The following ANKRD11 variants were observed in gnomAD, a reference collection of about 807,000 sequenced individuals.
The protein encoded by ANKRD11 is ankyrin repeat domain-containing protein 11.
Under a neutral mutation model 195.7 loss-of-function variants are expected in ANKRD11, and 17 were observed. That is an observed-to-expected ratio of 0.09 (90% CI 0.06 to 0.13). The LOEUF is 0.13. Among genes scored for constraint, ANKRD11 ranks in the 10% least tolerant of loss-of-function variants. ANKRD11 has a pLI of 1.00. For synonymous variants in ANKRD11, 1,953 were observed against 1,528.1 expected, an observed-to-expected ratio of 1.28 and a Z score of -6.49; for missense variants, 3,735 against 3,566.1, an observed-to-expected ratio of 1.05 and a Z score of -1.21.
intron 2 of ANKRD11, among the ~76,000 whole-genome samples, chr16:89,349,323 A>G (rs2039096894): frequency 6.6e-6 from 1 of 151,248 alleles, no homozygotes; most frequent in Non-Finnish European, 1.5e-5. Context: ...TACTCAAAAT[A>G]CCAAAAATTA....
intron 11 of ANKRD11, 198 bp from the exon 12 acceptor site, chr16:89,271,107 A>C: frequency 1.1e-4 from 69 of 605,812 alleles, no homozygotes; most frequent in Middle Eastern, 3.6e-4. Flanking sequence ...CCTCCCTAAA[A>C]TGCGCGTGGA....
At chr16:89,380,173 C>T (rs1374454595) in intron 2 of ANKRD11, among the ~76,000 whole-genome samples, 5 of 152,110 alleles carry the variant, frequency 3.3e-5, no homozygotes, top group African/African-American at 4.8e-5. Context: ...AGAGCGATGG[C>T]GTGATCTCGG....
intron 2 of ANKRD11, 70 bp downstream of exon 2, chr16:89,418,214 T>A: frequency 2.2e-6 from 1 of 445,870 alleles, no homozygotes; most frequent in Non-Finnish European, 4.5e-6. Context: ...ACTCACGCAT[T>A]ATTTTGATAC....
At chr16:89,419,697 C>T (rs894019981) in intron 1 of ANKRD11, among the ~76,000 whole-genome samples, 4 of 152,178 alleles carry the variant, frequency 2.6e-5, no homozygotes, top group Non-Finnish European at 5.9e-5. Context: ...CAGGGTTCCC[C>T]GGCTCTGCAC....
Position 89,286,958 on chromosome 16 carries a change from G to T in ANKRD11, c.745-772C>A, listed in dbSNP as rs977847597. On this transcript the variant is annotated intron_variant, in intron 7 of 12. Transcript: ENST00000301030. ...TTGTCGCCCACAGAATCAGTTTCCA[G>T]TTCGTGTGTGACATGTTCTATTGTT... 12 of 1,289,628 alleles carry T rather than the reference G, an allele frequency of 9.3e-6. No individual in the cohort carries two copies. In the African/African-American group the frequency reaches 1.7e-4, roughly 18 times the overall value. 79.9% of individuals were successfully genotyped at this position (1,289,628 alleles called of 1,614,324 possible). A position where few individuals can be genotyped will look rare whatever the true frequency, so the allele number is the denominator to read the frequency against.
At chr16:89,410,029 C>T (rs1200845522) in intron 2 of ANKRD11, among the ~76,000 whole-genome samples, 4 of 152,146 alleles carry the variant, frequency 2.6e-5, no homozygotes, top group African/African-American at 4.8e-5. Flanking sequence ...TTAGTAGAGA[C>T]GGGTTTTCAC....
chr16:89,406,445 C>T (rs750095466), intron 2 of ANKRD11, among the ~76,000 whole-genome samples: 1 of 152,212 alleles, frequency 6.6e-6, no homozygotes, highest in Non-Finnish European at 1.5e-5. Flanking sequence ...GCAGCAGCTG[C>T]TGAGAAGGCC....
chr16:89,369,101 A>G (rs1324577081), intron 2 of ANKRD11, among the ~76,000 whole-genome samples: 1 of 152,026 alleles, frequency 6.6e-6, no homozygotes, highest in Admixed American at 6.6e-5. Context: ...CATCACTACC[A>G]AGCTCTGGCC....
chr16:89,327,317 A>G (rs1459459586), intron 2 of ANKRD11, among the ~76,000 whole-genome samples: 1 of 152,210 alleles, frequency 6.6e-6, no homozygotes, highest in African/African-American at 2.4e-5. Flanking sequence ...AACATCCTCA[A>G]CACGATAAAG....
intron 2 of ANKRD11, among the ~76,000 whole-genome samples, chr16:89,321,588 G>A (rs568693417): frequency 3.5e-4 from 53 of 152,208 alleles, no homozygotes; most frequent in Middle Eastern, 6.8e-3. Flanking sequence ...GGGTCCCCTC[G>A]GGCCTTCTGA....
At chr16:89,332,504 A>G (rs1408388991) in intron 2 of ANKRD11, among the ~76,000 whole-genome samples, 1 of 152,230 alleles carries the variant, frequency 6.6e-6, no homozygotes, top group African/African-American at 2.4e-5. Flanking sequence ...AATGCAAGAA[A>G]ACAGCCTCGT....
At chr16:89,296,852 T>C (rs535087507) in intron 4 of ANKRD11, among the ~76,000 whole-genome samples, 1 of 151,902 alleles carries the variant, frequency 6.6e-6, no homozygotes, top group Non-Finnish European at 1.5e-5. Context: ...ACAGCACAAA[T>C]CCAAATGCCA....
chr16:89,281,869 G>A lies in ANKRD11; in HGVS notation c.4673C>T (p.Ser1558Phe). The A allele has an allele frequency of 6.2e-7, 1 of 1,613,926 alleles. No homozygotes were observed. Among genetic ancestry groups the A allele is most frequent in the Non-Finnish European group, 8.5e-7 (1 of 1,180,030 alleles). The change falls in exon 9 of 13, where the codon TCC becomes TTC. Residue 1558 changes from serine to phenylalanine, a missense_variant. Coordinates refer to ENST00000301030, the MANE Select transcript of ANKRD11 (RefSeq NM_013275.6). The surrounding 1 kb of genome is among the most constrained non-coding windows in gnomAD (Gnocchi z 5.5). ...MSNGNDKVAP[S>F]KDPGKKDARP... ...GGCGTCTTTCTTGCCTGGGTCTTTG[G>A]ATGGCGCTACCTTATCATTCCCGTT...
intron 1 of ANKRD11, among the ~76,000 whole-genome samples, chr16:89,475,707 G>A (rs1017374282): frequency 6.6e-5 from 10 of 151,984 alleles, no homozygotes; most frequent in African/African-American, 1.7e-4. Flanking sequence ...ATATCTCCAC[G>A]AAACACAAAA....
At chr16:89,417,696 G>A (rs1006018737) in intron 2 of ANKRD11, among the ~76,000 whole-genome samples, 3 of 152,038 alleles carry the variant, frequency 2.0e-5, no homozygotes, top group African/African-American at 7.2e-5. Flanking sequence ...AGGACAGCCC[G>A]GCGAGACCAC....
In ANKRD11 at chr16:89,290,644, G is replaced by C. The variant is rs927361294; in HGVS notation, c.582C>G (p.Val194=). The C allele has an allele frequency of 1.2e-6, 2 of 1,613,374 alleles. No individual in the cohort carries two copies. The highest frequency in any genetic ancestry group is 1.7e-6 in the Non-Finnish European group (2 of 1,180,006). ...IKELISEGAD[V]NVKDFAGWTA... ...GCCCACCTGCGAAGTCCTTGACGTT[G>C]ACGTCTGCCCCCTCGCTGATGAGCT... The change falls in exon 6 of 13, where the codon GTC becomes GTG. Residue 194 remains valine (V), a synonymous_variant. Transcript: ENST00000301030.
chr16:89,318,101 G>A (rs1464992629), intron 2 of ANKRD11, among the ~76,000 whole-genome samples: 11 of 152,144 alleles, frequency 7.2e-5, no homozygotes, highest in South Asian at 2.1e-4. Flanking sequence ...CCCTGCTTCC[G>A]ACTCCCACCC....
At chr16:89,380,741 G>C (rs1396642655) in intron 2 of ANKRD11, among the ~76,000 whole-genome samples, 1 of 152,262 alleles carries the variant, frequency 6.6e-6, no homozygotes, top group Admixed American at 6.5e-5. Context: ...CAAAGGCAGA[G>C]AAGAAGCTGG....
rs368392750 is a variant in ANKRD11 at position 89,406,555 on chromosome 16, G to A, written c.-60+11729C>T. ...ACACACAGGCACCAGAGGCTGCAGC[G>A]AGGAAGACAGATGTGCTTCCCCAGT... On this transcript the variant is annotated intron_variant, in intron 2 of 12. Transcript: ENST00000301030. 2.0e-5 allele frequency among the ~76,000 whole-genome samples: 3 copies of A among 152,200 alleles called. No individual in the cohort carries two copies. The East Asian group carries it at 5.8e-4, about 29-fold the overall frequency.
Sources: gnomAD v4.1 joint callset for allele counts (sites outside exome capture counted in the v4.1 genomes callset) on GRCh38, gnomAD v4.1.1 for gene constraint, Gnocchi (gnomAD v3.1) non-coding constraint, MANE v1.5 for transcripts, NCBI Gene and HGNC (gene_info 2026-07-23, HGNC 2026-07-21) for gene names.